The following SH3BP1 variants were observed in gnomAD, a reference collection of about 807,000 sequenced individuals.
SH3BP1 encodes SH3 domain-binding protein 1.
In SH3BP1, 46 loss-of-function variants were observed where a neutral mutation model predicts 69.8. That is an observed-to-expected ratio of 0.66 (90% CI 0.52 to 0.84). SH3BP1 has a LOEUF of 0.84. SH3BP1 is among the 40% of genes least tolerant of loss of function. The pLI, the probability that SH3BP1 is intolerant of heterozygous loss-of-function variation, is 0.00. For synonymous variants in SH3BP1, 403 were observed against 378.0 expected, an observed-to-expected ratio of 1.07 and a Z score of -0.77; for missense variants, 868 against 930.9, an observed-to-expected ratio of 0.93 and a Z score of 0.88.
chr22:37,646,427 T>C (rs986826943), intron 10 of SH3BP1, among the ~76,000 whole-genome samples: 2 of 151,878 alleles, frequency 1.3e-5, no homozygotes, highest in African/African-American at 4.8e-5. Context: ...AGCTAATTTT[T>C]TTTATTTTAG....
At chr22:37,643,231 A>G in intron 6 of SH3BP1, 57 bp downstream of exon 6, 4 of 1,484,370 alleles carry the variant, frequency 2.7e-6, no homozygotes, top group Non-Finnish European at 3.7e-6. Context: ...AGAGATGGTC[A>G]TAGAGCTTTG....
chr22:37,641,110 C>CACCA lies in SH3BP1; in HGVS notation c.60-16_60-15insACCA. The CACCA allele has an allele frequency of 3.5e-6, 5 of 1,422,320 alleles. No homozygotes were observed. Among genetic ancestry groups the CACCA allele is most frequent in the Non-Finnish European group, 4.8e-6 (5 of 1,046,058 alleles). 88.1% of individuals were successfully genotyped at this position (1,422,320 alleles called of 1,614,324 possible). A position where few individuals can be genotyped will look rare whatever the true frequency, so the allele number is the denominator to read the frequency against. On this transcript the variant is annotated splice_polypyrimidine_tract_variant and intron_variant, in intron 1 of 17. Transcript: ENST00000649765. ...AGCAGAAGCACTCTCCCCCCCCCCC[C>CACCA]CACCACTCCCCGCAGCACCCCGGAG...
At chr22:37,641,324 C>T (rs1932584581) in intron 2 of SH3BP1, 50 bp from the exon 3 acceptor site, 2 of 1,539,226 alleles carry the variant, frequency 1.3e-6, no homozygotes, top group Non-Finnish European at 1.8e-6. Flanking sequence ...GTTTCCTGCT[C>T]AGGGGGAGAC....
Position 37,650,684 on chromosome 22 carries a change from A to AGCTCCG in SH3BP1, c.1560_1565dup (p.Pro523_Ala524dup). 2 of 1,613,420 alleles carry AGCTCCG rather than the reference A, an allele frequency of 1.2e-6. No homozygotes were observed. Among genetic ancestry groups the AGCTCCG allele is most frequent in the Non-Finnish European group, 8.5e-7 (1 of 1,179,672 alleles). ...CGGCTCCGGCTCCGGCTCCAGCTCC[A>AGCTCCG]GCTCCGGCCCCAGCCTTGGCTTCAG... is the stretch of plus-strand genomic sequence containing the variant. On this transcript the variant is annotated inframe_insertion, in exon 16 of 18. Coordinates refer to ENST00000649765, the MANE Select transcript of SH3BP1 (RefSeq NM_018957.6).
intron 10 of SH3BP1, 190 bp from the exon 11 acceptor site, chr22:37,646,628 T>C (rs2146056957): frequency 2.3e-6 from 1 of 425,604 alleles, no homozygotes; most frequent in East Asian, 3.5e-5. Context: ...TTCCCAGCCC[T>C]GCCCTTTGCT....
At position 37,656,065 on chromosome 22, in the gene SH3BP1, T is replaced by A. The variant is rs760628278; in HGVS notation, c.*381T>A. 5.6e-5 allele frequency: 76 copies of A among 1,347,228 alleles called. No homozygotes were observed. Among genetic ancestry groups the A allele is most frequent in the Middle Eastern group, 4.7e-4 (2 of 4,268 alleles). 83.5% of individuals were successfully genotyped at this position (1,347,228 alleles called of 1,614,324 possible). On this transcript the variant is annotated 3_prime_UTR_variant, in exon 18 of 18. Transcript: ENST00000649765. ...TGGAGCAGCTGCCCAAATGATAGTT[T>A]TATTTTCTGTCCTTGAAATAAAGAA...
rs1182031447 is a variant in SH3BP1, at chr22:37,646,930, G to A, written c.1036+1G>A. 1 of 1,526,730 alleles carries A rather than the reference G, an allele frequency of 6.5e-7. No individual in the cohort carries two copies. The highest frequency in any genetic ancestry group is 1.2e-5 in the South Asian group (1 of 81,420). 94.6% of individuals were successfully genotyped at this position (1,526,730 alleles called of 1,614,324 possible). ...TGCTCCGACCCGCACGCTGTGGCAGGTGCCTGATCCGGGGAGCCCTGGGCA... is the reference window on the plus strand; with the variant it reads ...TGCTCCGACCCGCACGCTGTGGCAGATGCCTGATCCGGGGAGCCCTGGGCA... On this transcript the variant is annotated splice_donor_variant, in intron 11 of 17. Coordinates refer to ENST00000649765, the MANE Select transcript of SH3BP1 (RefSeq NM_018957.6). LOFTEE classifies it high-confidence loss of function.
chr22:37,641,549 G>T, intron 3 of SH3BP1, 71 bp downstream of exon 3: 5 of 1,323,306 alleles, frequency 3.8e-6, no homozygotes, highest in African/African-American at 1.5e-5. Context: ...CAAGGTCGGG[G>T]CTGGGGTTTC....
intron 1 of SH3BP1, among the ~76,000 whole-genome samples, chr22:37,640,174 C>T (rs1932531590): frequency 6.6e-6 from 1 of 152,164 alleles, no homozygotes; most frequent in Non-Finnish European, 1.5e-5. Context: ...CCTGACCTCA[C>T]TTGTCCCCTC....
At chr22:37,649,505 C>T (rs530087042) in intron 14 of SH3BP1, among the ~76,000 whole-genome samples, 23 of 150,646 alleles carry the variant, frequency 1.5e-4, no homozygotes, top group Non-Finnish European at 2.8e-4. Flanking sequence ...AGAAATAGGC[C>T]GGGGGCAGCG....
Position 37,645,526 on chromosome 22 carries a change from G to A in SH3BP1, c.924+16G>A, listed in dbSNP as rs1409804875. 1 of 1,600,664 alleles carries A rather than the reference G, an allele frequency of 6.2e-7. No individual in the cohort carries two copies. The highest frequency in any genetic ancestry group is 8.5e-7 in the Non-Finnish European group (1 of 1,169,972). Reference sequence around the variant, plus strand: ...GAAGGAAGAGGTGGGGTCCCCTGGGGCAGGTGGGGAAGGAGCACTGGGGCC... The same window carrying A: ...GAAGGAAGAGGTGGGGTCCCCTGGGACAGGTGGGGAAGGAGCACTGGGGCC... On this transcript the variant is annotated intron_variant, in intron 10 of 17. Coordinates refer to ENST00000649765, the MANE Select transcript of SH3BP1 (RefSeq NM_018957.6).
intron 16 of SH3BP1, 45 bp from the exon 17 acceptor site, chr22:37,653,734 C>A: frequency 7.2e-7 from 1 of 1,382,372 alleles, no homozygotes; most frequent in Non-Finnish European, 1.0e-6. Flanking sequence ...CATGAGACTT[C>A]TGGGAGGTGG....
Position 37,655,446 on chromosome 22 carries a change from T to G in SH3BP1, c.1868T>G (p.Leu623Ter). The G allele has an allele frequency of 6.2e-6, 5 of 801,454 alleles. No individual in the cohort carries two copies. Among genetic ancestry groups the G allele is most frequent in the Non-Finnish European group, 6.9e-6 (4 of 578,122 alleles). 49.6% of individuals were successfully genotyped at this position (801,454 alleles called of 1,614,324 possible). ...CGAGCCCCCACAGTGCCACCCCCGT[T>G]ACCCCCCACACCCCCTCAGCCTGCC... ...SLRAPTVPPP[L>*]PPTPPQPARR... The change falls in exon 18 of 18, where the codon TTA becomes TGA. Residue 623 changes from leucine (L) to a stop codon, truncating the protein, a stop_gained. Transcript: ENST00000649765. LOFTEE classifies it low-confidence loss of function (END_TRUNC).
chr22:37,645,096 A>T (rs113679688), intron 9 of SH3BP1, 136 bp downstream of exon 9: 1 of 894,622 alleles, frequency 1.1e-6, no homozygotes, highest in African/African-American at 1.7e-5. Flanking sequence ...TCTGTGATGG[A>T]GAGGCAGCTC....
At position 37,655,432 on chromosome 22, in the gene SH3BP1, A is replaced by G; in HGVS notation, c.1854A>G (p.Thr618=). The change falls in exon 18 of 18, where the codon ACA becomes ACG. Residue 618 remains threonine, a synonymous_variant. Transcript: ENST00000649765. The stretch of plus-strand genomic sequence containing the variant: ...TTGGCAGCAGCCTCCGAGCCCCCAC[A>G]GTGCCACCCCCGTTACCCCCCACAC... ...RLVGSSLRAP[T]VPPPLPPTPP... 2 of 828,544 alleles carry G rather than the reference A, an allele frequency of 2.4e-6. No individual in the cohort carries two copies. The highest frequency in any genetic ancestry group is 3.2e-6 in the Non-Finnish European group (2 of 625,142). The allele number at this position is 828,544 out of a possible 1,614,324, so 51.3% of individuals were successfully genotyped here.
At chr22:37,647,203 T>C in intron 11 of SH3BP1, 64 bp from the exon 12 acceptor site, 1 of 1,430,462 alleles carries the variant, frequency 7.0e-7, no homozygotes, top group Non-Finnish European at 9.9e-7. Flanking sequence ...GGAGGTTCCT[T>C]CTACAGGGAG....
chr22:37,641,542 G>T (rs747759387), intron 3 of SH3BP1, 64 bp downstream of exon 3: 64 of 1,363,072 alleles, frequency 4.7e-5, no homozygotes, highest in Non-Finnish European at 6.0e-5. Context: ...GGGGAAGCAA[G>T]GTCGGGGCTG....
rs149544774 is a variant in SH3BP1, at chr22:37,650,670, C to G, written c.1543C>G (p.Pro515Ala). The G allele has an allele frequency of 7.4e-5, 120 of 1,613,896 alleles. No individual in the cohort carries two copies. Among genetic ancestry groups the G allele is most frequent in the East Asian group, 4.7e-4 (21 of 44,872 alleles). ...PTPATTPAPA[P>A]APAPAPAPAL... is the part of the protein sequence containing the mutation. ...CCCAGCCACCACCCCGGCTCCGGCT[C>G]CGGCTCCAGCTCCAGCTCCGGCCCC... The change falls in exon 16 of 18, where the codon CCG (proline) becomes GCG (alanine). Residue 515 changes from proline to alanine, a missense_variant. Pro to Ala is a conservative substitution (Grantham distance 27). Coordinates refer to ENST00000649765, the MANE Select transcript of SH3BP1 (RefSeq NM_018957.6).
chr22:37,645,558 C>T (rs765619440), intron 10 of SH3BP1, 48 bp downstream of exon 10: 7 of 1,559,828 alleles, frequency 4.5e-6, no homozygotes, highest in Non-Finnish European at 6.1e-6. Context: ...GGCCCTCATT[C>T]TGTCCCAAAC....
Sources: allele counts gnomAD v4.1 joint callset (sites outside exome capture counted in the v4.1 genomes callset), GRCh38; gene constraint gnomAD v4.1.1; transcripts MANE v1.5; gene names NCBI Gene and HGNC (gene_info 2026-07-23, HGNC 2026-07-21).